WDR25: variants seen among roughly 807,000 people sequenced by gnomAD.
WDR25 encodes WD repeat-containing protein 25.
In WDR25, 35 loss-of-function variants were observed where a neutral mutation model predicts 47.7. The ratio of observed to expected loss-of-function variants is 0.73; its 90% CI spans 0.56 to 0.97. The LOEUF is 0.97. WDR25 is among the 50% of genes least tolerant of loss of function. The pLI is 0.00. For synonymous variants in WDR25, 248 were observed against 278.9 expected (o/e 0.89, Z 1.10); for missense variants, 634 against 704.7 (o/e 0.90, Z 1.14).
intron 5 of WDR25, among the ~76,000 whole-genome samples, chr14:100,527,686 C>A (rs983532897): frequency 6.6e-6 from 1 of 152,180 alleles, no homozygotes; most frequent in Non-Finnish European, 1.5e-5. Flanking sequence ...GATGAAGGTG[C>A]CTTGCGCCTG....
Position 100,500,363 on chromosome 14 carries a change from T to C in WDR25, c.1101+16239T>C, listed in dbSNP as rs1306807583. On this transcript the variant is annotated intron_variant, in intron 4 of 6. Coordinates refer to ENST00000402312, the MANE Select transcript of WDR25 (RefSeq NM_001161476.3). This position sits in a 1 kb window ranked among gnomAD's most constrained non-coding sequence, Gnocchi z 4.7. ...GCCAGCTCGTCTCTTCTGCTCCTTC[T>C]TCCAGGGACCCGAGGAGGGTGAAGT... Among the ~76,000 whole-genome samples the C allele has an allele frequency of 1.3e-5, 2 of 152,168 alleles. No homozygotes were observed. The highest frequency in any genetic ancestry group is 4.8e-5 in the African/African-American group (2 of 41,442).
intron 4 of WDR25, among the ~76,000 whole-genome samples, chr14:100,503,493 C>T (rs992422633): frequency 1.1e-4 from 17 of 152,196 alleles, no homozygotes; most frequent in African/African-American, 4.1e-4. Flanking sequence ...AAAAGTGAGC[C>T]GTGAGGGCCA....
chr14:100,451,264 C>T (rs1017111930), intron 2 of WDR25, among the ~76,000 whole-genome samples: 8 of 145,054 alleles, frequency 5.5e-5, no homozygotes, highest in South Asian at 2.2e-4. Flanking sequence ...TTTTTTGAGA[C>T]GAGGTCTCAC....
intron 2 of WDR25, among the ~76,000 whole-genome samples, chr14:100,391,396 A>G (rs997679782): frequency 6.6e-6 from 1 of 152,228 alleles, no homozygotes; most frequent in Admixed American, 6.5e-5. Flanking sequence ...CCCGGCAGCC[A>G]GCTTCGTGAT....
At chr14:100,454,444 A>G in intron 2 of WDR25, 1 of 1,287,242 alleles carries the variant, frequency 7.8e-7, no homozygotes. Flanking sequence ...ATTGAAAATT[A>G]TGTTTGGCTT....
intron 2 of WDR25, among the ~76,000 whole-genome samples, chr14:100,460,038 G>A (rs995178172): frequency 1.3e-5 from 2 of 148,824 alleles, no homozygotes; most frequent in Non-Finnish European, 3.0e-5. Context: ...GATTACCCTG[G>A]TATCAAACCA....
chr14:100,384,215 T>C (rs1255672538), intron 2 of WDR25, among the ~76,000 whole-genome samples: 1 of 152,262 alleles, frequency 6.6e-6, no homozygotes, highest in Non-Finnish European at 1.5e-5. Context: ...CCCTCTTTTT[T>C]TACTGTGGTG....
rs1243328114 is a variant in WDR25, at chr14:100,500,421, T to G, written c.1101+16297T>G. On this transcript the variant is annotated intron_variant, in intron 4 of 6. Coordinates refer to ENST00000402312, the MANE Select transcript of WDR25 (RefSeq NM_001161476.3). This position sits in a 1 kb window ranked among gnomAD's most constrained non-coding sequence, Gnocchi z 4.7. ...GCTGTGGAGGGTGGAGAAGGAGGGGTGGGGATGGTCAGATGGAGGCATGCC... is the reference window on the plus strand; with the variant it reads ...GCTGTGGAGGGTGGAGAAGGAGGGGGGGGGATGGTCAGATGGAGGCATGCC... Among the ~76,000 whole-genome samples, 2 of 149,814 alleles carry G rather than the reference T, an allele frequency of 1.3e-5. No individual in the cohort carries two copies. Among genetic ancestry groups the G allele is most frequent in the South Asian group, 4.3e-4 (2 of 4,672 alleles).
At chr14:100,497,746 G>A (rs535932397) in intron 4 of WDR25, among the ~76,000 whole-genome samples, 3 of 152,228 alleles carry the variant, frequency 2.0e-5, no homozygotes, top group Admixed American at 6.5e-5. Context: ...TTGGCTAAAT[G>A]TCACCTGTCC....
intron 2 of WDR25, among the ~76,000 whole-genome samples, chr14:100,447,910 T>A (rs1220428721): frequency 2.0e-5 from 3 of 151,996 alleles, no homozygotes; most frequent in Non-Finnish European, 2.9e-5. Context: ...TAAAAAAAAA[T>A]GGGCTGGGCG....
chr14:100,462,078 G>A (rs1267317222), intron 2 of WDR25, among the ~76,000 whole-genome samples: 1 of 152,074 alleles, frequency 6.6e-6, no homozygotes, highest in Non-Finnish European at 1.5e-5. Context: ...AAAACGAAAG[G>A]CAGGCAGGCA....
rs530112031 is a variant in WDR25, at chr14:100,506,201, A to T, written c.1102-19669A>T. On this transcript the variant is annotated intron_variant, in intron 4 of 6. Transcript: ENST00000402312. This position sits in a 1 kb window ranked among gnomAD's most constrained non-coding sequence, Gnocchi z 4.8. ...TGTTCCTGCATTAATTTGCTTAGGAAAATGGTCTCCAACTTCATCCGTGTT... is the reference window on the plus strand; with the variant it reads ...TGTTCCTGCATTAATTTGCTTAGGATAATGGTCTCCAACTTCATCCGTGTT... 3.3e-5 allele frequency among the ~76,000 whole-genome samples: 5 copies of T among 152,230 alleles called. No homozygotes were observed. The highest frequency in any genetic ancestry group is 7.3e-5 in the Non-Finnish European group (5 of 68,040).
At chr14:100,490,286 G>A (rs1274907209) in intron 4 of WDR25, among the ~76,000 whole-genome samples, 2 of 152,248 alleles carry the variant, frequency 1.3e-5, no homozygotes, top group Non-Finnish European at 2.9e-5. Context: ...GCACATAGTA[G>A]GGAGGGAGGG....
intron 2 of WDR25, among the ~76,000 whole-genome samples, chr14:100,405,349 C>T (rs1008688492): frequency 3.3e-5 from 5 of 151,986 alleles, no homozygotes; most frequent in African/African-American, 7.3e-5. Flanking sequence ...TTAGTAGAGA[C>T]GGGGTTTGTC....
At chr14:100,527,312 T>TCCC (rs960284265) in intron 5 of WDR25, among the ~76,000 whole-genome samples, 2 of 151,406 alleles carry the variant, frequency 1.3e-5, no homozygotes, top group African/African-American at 4.9e-5. Flanking sequence ...ATTGTTATCA[T>TCCC]CACCACCACC....
rs1900876282 is a variant in WDR25 at position 100,500,335 on chromosome 14, C to T, written c.1101+16211C>T. Among the ~76,000 whole-genome samples the T allele has an allele frequency of 1.3e-5, 2 of 152,260 alleles. No homozygotes were observed. The highest frequency in any genetic ancestry group is 3.9e-4 in the East Asian group (2 of 5,180). ...CTGCCCTAATTCAGTGGCCTAGAGG[C>T]AGGCCAGCTCGTCTCTTCTGCTCCT... On this transcript the variant is annotated intron_variant, in intron 4 of 6. Transcript: ENST00000402312. The surrounding 1 kb of genome is among the most constrained non-coding windows in gnomAD (Gnocchi z 4.7).
At chr14:100,481,439 CTTT>C (rs34968968) in intron 3 of WDR25, among the ~76,000 whole-genome samples, 1 of 140,526 alleles carries the variant, frequency 7.1e-6, no homozygotes, top group Non-Finnish European at 1.5e-5. Flanking sequence ...AGTGTAAATG[CTTT>C]TTTTTTTTTT....
At chr14:100,395,974 T>G (rs1217788294) in intron 2 of WDR25, among the ~76,000 whole-genome samples, 1 of 140,342 alleles carries the variant, frequency 7.1e-6, no homozygotes, top group Non-Finnish European at 1.5e-5. Flanking sequence ...TGTGAAATGT[T>G]TTTTTTTTTT....
intron 4 of WDR25, among the ~76,000 whole-genome samples, chr14:100,503,180 C>T (rs1900994985): frequency 6.6e-6 from 1 of 151,984 alleles, no homozygotes; most frequent in Admixed American, 6.6e-5. Context: ...TGACCCAGAG[C>T]TGAACACCCC....
Sources: allele counts gnomAD v4.1 joint callset (sites outside exome capture counted in the v4.1 genomes callset), GRCh38; gene constraint gnomAD v4.1.1; non-coding constraint Gnocchi (gnomAD v3.1); transcripts MANE v1.5; gene names NCBI Gene and HGNC (gene_info 2026-07-23, HGNC 2026-07-21).